Variants in CDC42EP4 observed in about 807,000 individuals in gnomAD.
CDC42EP4 encodes the protein CDC42 effector protein (Rho GTPase binding) 4.
Under a neutral mutation model 5.6 loss-of-function variants are expected in CDC42EP4, and 6 were observed. That is an observed-to-expected ratio of 1.07 (90% CI 0.59 to 2.12). The LOEUF is 2.12. CDC42EP4 is among the 30% of genes most tolerant of loss of function. CDC42EP4 has a pLI of 0.00. For missense variants in CDC42EP4, 490 were observed against 508.6 expected, an observed-to-expected ratio of 0.96 and a Z score of 0.35; for synonymous variants, 230 against 224.2, an observed-to-expected ratio of 1.03 and a Z score of -0.23.
intron 1 of CDC42EP4, among the ~76,000 whole-genome samples, chr17:73,297,707 G>A (rs2062195923): frequency 6.6e-6 from 1 of 151,920 alleles, no homozygotes; most frequent in Admixed American, 6.6e-5. Flanking sequence ...CGCCCAGGCT[G>A]GAGTGTAGTG....
chr17:73,293,228 G>A (rs1296663539), intron 1 of CDC42EP4, among the ~76,000 whole-genome samples: 1 of 152,216 alleles, frequency 6.6e-6, no homozygotes, highest in Non-Finnish European at 1.5e-5. Flanking sequence ...TTCAATCTGT[G>A]TATCTGGAAG....
At chr17:73,306,217 C>T (rs1030453696) in intron 1 of CDC42EP4, among the ~76,000 whole-genome samples, 13 of 152,000 alleles carry the variant, frequency 8.6e-5, no homozygotes, top group African/African-American at 3.1e-4. Flanking sequence ...AGGCCAGGCA[C>T]CGTGGCTCAT....
In CDC42EP4 at chr17:73,286,576, A is replaced by G; in HGVS notation, c.-76T>C. 5.5e-6 allele frequency: 6 copies of G among 1,089,464 alleles called. No individual in the cohort carries two copies. The highest frequency in any genetic ancestry group is 6.5e-6 in the Non-Finnish European group (5 of 767,196). 67.5% of individuals were successfully genotyped at this position (1,089,464 alleles called of 1,614,324 possible). On this transcript the variant is annotated 5_prime_UTR_variant, in exon 2 of 2. Transcript: ENST00000335793. This position sits in a 1 kb window ranked among gnomAD's most constrained non-coding sequence, Gnocchi z 7.7. ...GGGGTCAGATCTGAAGTCCAAGTCC[A>G]GTGGGCAGAGGGGGACGCAATGAGG...
At chr17:73,289,212 C>T (rs2062148753) in intron 1 of CDC42EP4, among the ~76,000 whole-genome samples, 5 of 152,212 alleles carry the variant, frequency 3.3e-5, no homozygotes, top group South Asian at 4.2e-4. Context: ...TAAAACTAGC[C>T]GTTGGCCGGG....
At chr17:73,300,889 T>C (rs564610060) in intron 1 of CDC42EP4, among the ~76,000 whole-genome samples, 1 of 151,888 alleles carries the variant, frequency 6.6e-6, no homozygotes, top group South Asian at 2.1e-4. Flanking sequence ...TCTATTAAAA[T>C]ACAAAATCAG....
chr17:73,291,594 G>A (rs1233417034), intron 1 of CDC42EP4, among the ~76,000 whole-genome samples: 1 of 152,160 alleles, frequency 6.6e-6, no homozygotes, highest in Non-Finnish European at 1.5e-5. Flanking sequence ...GCTTTGGGCG[G>A]GGCTTTCAGA....
chr17:73,302,180 C>A (rs540156688), intron 1 of CDC42EP4, among the ~76,000 whole-genome samples: 3 of 152,214 alleles, frequency 2.0e-5, no homozygotes, highest in South Asian at 4.2e-4. Context: ...GGCCACCCCA[C>A]CAAGCTTATA....
chr17:73,305,148 G>C (rs950106354), intron 1 of CDC42EP4, among the ~76,000 whole-genome samples: 3 of 152,230 alleles, frequency 2.0e-5, no homozygotes, highest in Non-Finnish European at 4.4e-5. Flanking sequence ...TCAAGACGAA[G>C]AGGAGCCAGT....
chr17:73,302,826 A>AG (rs1181433133), intron 1 of CDC42EP4, among the ~76,000 whole-genome samples: 1 of 136,044 alleles, frequency 7.4e-6, no homozygotes, highest in East Asian at 2.3e-4. Context: ...GCGGATCACG[A>AG]GGTCAGGAGT....
chr17:73,297,500 A>C (rs953893944), intron 1 of CDC42EP4, among the ~76,000 whole-genome samples: 2 of 151,576 alleles, frequency 1.3e-5, no homozygotes, highest in Non-Finnish European at 3.0e-5. Context: ...AATTTAAAAT[A>C]AATAGAAAAA....
intron 1 of CDC42EP4, among the ~76,000 whole-genome samples, chr17:73,298,188 TTC>T (rs74758368): frequency 0.052 from 7,902 of 152,198 alleles, 243 homozygotes; most frequent in East Asian, 0.079. Flanking sequence ...CTGATGTCTG[TTC>T]TCTCTCTTCC....
rs1421950360 is a variant in CDC42EP4, at chr17:73,286,091, T to C, written c.410A>G (p.Lys137Arg). The change falls in exon 2 of 2, where the codon AAG (lysine) becomes AGG (arginine). Residue 137 changes from lysine (K) to arginine (R), a missense_variant. Coordinates refer to ENST00000335793, the MANE Select transcript of CDC42EP4 (RefSeq NM_012121.5). This position sits in a 1 kb window ranked among gnomAD's most constrained non-coding sequence, Gnocchi z 7.7. The part of the protein sequence containing the change: ...AAEKGTSKLP[K>R]SLSSSPVKKA... ...CTTCACGGGGCTGGATGACAGGCTC[T>C]TGGGCAGCTTACTGGTGCCCTTCTC... 8 of 1,614,026 alleles carry C rather than the reference T, an allele frequency of 5.0e-6. No individual in the cohort carries two copies. Among genetic ancestry groups the C allele is most frequent in the Non-Finnish European group, 6.8e-6 (8 of 1,180,026 alleles).
At chr17:73,294,406 G>A (rs900169313) in intron 1 of CDC42EP4, among the ~76,000 whole-genome samples, 1 of 152,088 alleles carries the variant, frequency 6.6e-6, no homozygotes, top group African/African-American at 2.4e-5. Context: ...AACATGAAAT[G>A]TCACCATCAG....
intron 1 of CDC42EP4, among the ~76,000 whole-genome samples, chr17:73,289,720 A>AGGGAGGAAGGGAGGGAGGGAGGAAGGGC: frequency 7.9e-6 from 1 of 126,688 alleles, no homozygotes. Context: ...GAAAACAGGA[A>AGGGAGGAAGGGAGGGAGGGAGGAAGGGC]GGGAGGAAGG....
rs1242928728 is a variant in CDC42EP4, at chr17:73,284,325, G to C, written c.*1105C>G. The C allele has an allele frequency of 6.6e-6, 1 of 151,896 alleles. No homozygotes were observed. Among genetic ancestry groups the C allele is most frequent in the Admixed American group, 6.6e-5 (1 of 15,222 alleles). The allele number at this position is 151,896 out of a possible 1,614,324, so 9.4% of individuals were successfully genotyped here. A position where few individuals can be genotyped will look rare whatever the true frequency, so the allele number is the denominator to read the frequency against. On this transcript the variant is annotated 3_prime_UTR_variant, in exon 2 of 2. Coordinates refer to ENST00000335793, the MANE Select transcript of CDC42EP4 (RefSeq NM_012121.5). ...ATAACTCAGCCAAAAAGAAAAAAAA[G>C]GCTTTCCCCCCATAGGAATGATATA...
chr17:73,287,222 G>A (rs1382646270), intron 1 of CDC42EP4, among the ~76,000 whole-genome samples: 1 of 152,180 alleles, frequency 6.6e-6, no homozygotes, highest in African/African-American at 2.4e-5. Context: ...CTGGGGTGGG[G>A]CTGCTGGGAC....
chr17:73,303,718 C>T (rs2145325746), intron 1 of CDC42EP4, among the ~76,000 whole-genome samples: 1 of 151,982 alleles, frequency 6.6e-6, no homozygotes, highest in Non-Finnish European at 1.5e-5. Context: ...AAACATGGCT[C>T]CTAGAAAGCA....
intron 1 of CDC42EP4, among the ~76,000 whole-genome samples, chr17:73,298,001 A>C (rs2062197615): frequency 7.0e-6 from 1 of 141,916 alleles, no homozygotes. Context: ...ACAGCGAAAA[A>C]AAAAAAAAAA....
chr17:73,297,979 A>T (rs1406987460), intron 1 of CDC42EP4, among the ~76,000 whole-genome samples: 1 of 147,438 alleles, frequency 6.8e-6, no homozygotes, highest in African/African-American at 2.5e-5. Flanking sequence ...TAAAACAAAC[A>T]AACAAACAAC....
Sources: allele counts gnomAD v4.1 joint callset (sites outside exome capture counted in the v4.1 genomes callset), GRCh38; gene constraint gnomAD v4.1.1; non-coding constraint Gnocchi (gnomAD v3.1); transcripts MANE v1.5; gene names NCBI Gene and HGNC (gene_info 2026-07-23, HGNC 2026-07-21).